The following GRID1 variants were observed in gnomAD, a reference collection of about 807,000 sequenced individuals.
GRID1 encodes glutamate receptor ionotropic, delta-1.
In GRID1, 28 loss-of-function variants were observed where a neutral mutation model predicts 98.0. The ratio of observed to expected loss-of-function variants is 0.29; its 90% CI spans 0.21 to 0.39. GRID1 has a LOEUF of 0.39. GRID1 is among the 10% of genes least tolerant of loss of function. The pLI, the probability that GRID1 is intolerant of heterozygous loss-of-function variation, is 1.00. For synonymous variants in GRID1, 553 were observed against 538.5 expected, an observed-to-expected ratio of 1.03 and a Z score of -0.37; for missense variants, 1,111 against 1,340.5, an observed-to-expected ratio of 0.83 and a Z score of 2.67.
At chr10:85,968,425 T>C (rs1441423979) in intron 4 of GRID1, among the ~76,000 whole-genome samples, 2 of 129,672 alleles carry the variant, frequency 1.5e-5, no homozygotes, top group African/African-American at 3.1e-5. Context: ...CACTCTAGCC[T>C]GGACGACACA....
intron 8 of GRID1, among the ~76,000 whole-genome samples, chr10:85,827,889 C>A (rs1020985285): frequency 5.9e-5 from 9 of 152,080 alleles, no homozygotes; most frequent in Non-Finnish European, 1.2e-4. Context: ...AGGCAGAAAA[C>A]TAATGAAGAC....
intron 3 of GRID1, among the ~76,000 whole-genome samples, chr10:86,184,388 T>C (rs1051931752): frequency 2.0e-5 from 3 of 152,100 alleles, no homozygotes; most frequent in African/African-American, 4.8e-5. Flanking sequence ...TTTTAAGGTT[T>C]ATTCTTGTGT....
chr10:85,778,651 C>T (rs980940884), intron 8 of GRID1, among the ~76,000 whole-genome samples: 1 of 152,168 alleles, frequency 6.6e-6, no homozygotes, highest in Non-Finnish European at 1.5e-5. Flanking sequence ...AACTTACACT[C>T]AACAGAAAAC....
At chr10:86,005,049 T>C (rs1842844715) in intron 4 of GRID1, among the ~76,000 whole-genome samples, 1 of 152,166 alleles carries the variant, frequency 6.6e-6, no homozygotes, top group African/African-American at 2.4e-5. Context: ...CAGGCTCAAA[T>C]TCTATATCTT....
intron 4 of GRID1, among the ~76,000 whole-genome samples, chr10:85,927,915 G>A (rs1048192670): frequency 9.2e-5 from 14 of 152,240 alleles, no homozygotes; most frequent in African/African-American, 3.4e-4. Flanking sequence ...AAGAGGCAAT[G>A]AGGACGACAG....
chr10:86,200,270 C>T (rs921951471), intron 3 of GRID1, among the ~76,000 whole-genome samples: 7 of 152,178 alleles, frequency 4.6e-5, no homozygotes, highest in Non-Finnish European at 7.3e-5. Flanking sequence ...CTTATTTAAG[C>T]ACCTGCTTAA....
intron 11 of GRID1, 41 bp from the exon 12 acceptor site, chr10:85,723,182 C>T (rs1841723399): frequency 2.6e-6 from 4 of 1,566,370 alleles, no homozygotes; most frequent in South Asian, 2.4e-5. Context: ...GTGGCTTCTG[C>T]TCTCCCTCCT....
At chr10:86,144,522 G>A (rs749663418) in intron 3 of GRID1, among the ~76,000 whole-genome samples, 5 of 152,084 alleles carry the variant, frequency 3.3e-5, no homozygotes, top group African/African-American at 4.8e-5. Context: ...CTGCTTGCCC[G>A]GTACATCCCG....
At chr10:86,117,571 A>T (rs970623878) in intron 4 of GRID1, among the ~76,000 whole-genome samples, 1 of 151,690 alleles carries the variant, frequency 6.6e-6, no homozygotes, top group African/African-American at 2.4e-5. Flanking sequence ...CACTGCTATC[A>T]CTATCACCAC....
chr10:85,713,181 A>T (rs758875923), intron 12 of GRID1, among the ~76,000 whole-genome samples: 1 of 151,662 alleles, frequency 6.6e-6, no homozygotes, highest in South Asian at 2.1e-4. Flanking sequence ...GACTAAGAAA[A>T]AGGTGGGAAG....
chr10:86,236,860 C>A (rs1846548210), intron 2 of GRID1, among the ~76,000 whole-genome samples: 4 of 152,186 alleles, frequency 2.6e-5, no homozygotes, highest in Admixed American at 2.6e-4. Context: ...GTGGCCAGGC[C>A]TGGCTCTCAG....
chr10:86,221,989 G>T (rs1846261753), intron 2 of GRID1, among the ~76,000 whole-genome samples: 1 of 152,132 alleles, frequency 6.6e-6, no homozygotes, highest in Non-Finnish European at 1.5e-5. Context: ...GGCCATCACA[G>T]AAACAGGGGA....
At chr10:86,290,691 G>T (rs1589438701) in intron 2 of GRID1, among the ~76,000 whole-genome samples, 1 of 150,750 alleles carries the variant, frequency 6.6e-6, no homozygotes, top group East Asian at 1.9e-4. Flanking sequence ...AATAAAATAT[G>T]TTCCAGGTAA....
At chr10:86,054,128 T>C (rs1843541855) in intron 4 of GRID1, among the ~76,000 whole-genome samples, 1 of 152,050 alleles carries the variant, frequency 6.6e-6, no homozygotes, top group South Asian at 2.1e-4. Flanking sequence ...TTCTCAGAAC[T>C]CATATAGTAA....
In GRID1 at chr10:85,684,382, A is replaced by G. The variant is rs552973249; in HGVS notation, c.1998-36985T>C. 3.3e-5 allele frequency among the ~76,000 whole-genome samples: 5 copies of G among 152,354 alleles called. No individual in the cohort carries two copies. The South Asian group carries it at 1.0e-3, about 32-fold the overall frequency. Reference sequence around the variant, plus strand: ...CCCTAAACAAAATATTAAGAAAATTAATATAGCAATTGTAACCTGAGTTTC... The same window carrying G: ...CCCTAAACAAAATATTAAGAAAATTGATATAGCAATTGTAACCTGAGTTTC... On this transcript the variant is annotated intron_variant, in intron 12 of 15. Coordinates refer to ENST00000327946, the MANE Select transcript of GRID1 (RefSeq NM_017551.3).
chr10:85,675,998 C>T (rs1383369431), intron 12 of GRID1, among the ~76,000 whole-genome samples: 1 of 152,168 alleles, frequency 6.6e-6, no homozygotes, highest in Non-Finnish European at 1.5e-5. Context: ...TGCCTCCTGT[C>T]CTGCCTGTGT....
chr10:86,335,671 A>G (rs1194185184), intron 2 of GRID1, among the ~76,000 whole-genome samples: 1 of 152,190 alleles, frequency 6.6e-6, no homozygotes, highest in East Asian at 1.9e-4. Context: ...TCTCTCATTC[A>G]CTGCTATATC....
intron 8 of GRID1, among the ~76,000 whole-genome samples, chr10:85,839,436 C>T (rs1261631681): frequency 1.3e-5 from 2 of 152,176 alleles, no homozygotes; most frequent in African/African-American, 4.8e-5. Flanking sequence ...TTATAACAGT[C>T]TCTCATACCA....
At chr10:85,747,611 C>T (rs1290885076) in intron 8 of GRID1, among the ~76,000 whole-genome samples, 1 of 152,168 alleles carries the variant, frequency 6.6e-6, no homozygotes, top group Admixed American at 6.5e-5. Flanking sequence ...CCCCCAGCAC[C>T]AGAGTCAAAG....
Sources: gnomAD v4.1 joint callset for allele counts (sites outside exome capture counted in the v4.1 genomes callset) on GRCh38, gnomAD v4.1.1 for gene constraint, MANE v1.5 for transcripts, NCBI Gene and HGNC (gene_info 2026-07-23, HGNC 2026-07-21) for gene names.